GMDS: variants seen among roughly 807,000 people sequenced by gnomAD.
GMDS encodes GDP-mannose 4,6-dehydratase.
GMDS carries 20 observed loss-of-function variants against 49.9 expected under a neutral mutation model. The observed-to-expected ratio is 0.40, with a 90% CI of 0.28 to 0.58. The LOEUF (loss-of-function observed/expected upper bound fraction) is 0.58, where lower values mean the gene tolerates loss of function less well. GMDS is among the 20% of genes least tolerant of loss of function. The probability of loss-of-function intolerance (pLI) is 0.42; values close to 1 mark genes in which losing one functional copy is unlikely to be tolerated. For missense variants in GMDS, 362 were observed against 481.4 expected (o/e 0.75, Z 2.32); for synonymous variants, 177 against 178.6 (o/e 0.99, Z 0.07).
At chr6:1,714,590 G>A (rs996101474) in intron 9 of GMDS, among the ~76,000 whole-genome samples, 1 of 152,194 alleles carries the variant, frequency 6.6e-6, no homozygotes, top group Non-Finnish European at 1.5e-5. Flanking sequence ...CGTGTCATGG[G>A]GAAAGCCAGA....
At chr6:1,769,315 T>C (rs1477638792) in intron 7 of GMDS, among the ~76,000 whole-genome samples, 2 of 152,196 alleles carry the variant, frequency 1.3e-5, no homozygotes, top group Non-Finnish European at 2.9e-5. Context: ...GAATGTCCAA[T>C]ACTGGGGTAA....
At chr6:2,025,573 A>C (rs1158529769) in intron 4 of GMDS, among the ~76,000 whole-genome samples, 2 of 152,166 alleles carry the variant, frequency 1.3e-5, no homozygotes, top group Admixed American at 1.3e-4. Flanking sequence ...TCAAGCATTC[A>C]CTTAACATTA....
Position 1,913,345 on chromosome 6 carries a change from C to T in GMDS, c.771+16758G>A, listed in dbSNP as rs1284568367. Among the ~76,000 whole-genome samples, 3 of 141,112 alleles carry T rather than the reference C, an allele frequency of 2.1e-5. No individual in the cohort carries two copies. The Admixed American group carries it at 2.2e-4, about 10-fold the overall frequency. The allele number at this position is 141,112 out of a possible 152,430, so 92.6% of individuals were successfully genotyped here. ...GCAGTGAGCCGAGATCCTGCCACTG[C>T]ACTCCAGCCTGGGCGACAGAGCGAG... On this transcript the variant is annotated intron_variant, in intron 7 of 10. Transcript: ENST00000380815.
intron 7 of GMDS, among the ~76,000 whole-genome samples, chr6:1,846,916 C>T (rs1179434057): frequency 6.6e-6 from 1 of 152,176 alleles, no homozygotes; most frequent in Non-Finnish European, 1.5e-5. Flanking sequence ...AAAACAATGA[C>T]AAGTATGAAG....
intron 8 of GMDS, among the ~76,000 whole-genome samples, chr6:1,728,923 C>A (rs538750562): frequency 6.6e-6 from 1 of 151,324 alleles, no homozygotes; most frequent in South Asian, 2.1e-4. Flanking sequence ...GACTGTAAAA[C>A]CTGTCCTTAC....
intron 1 of GMDS, among the ~76,000 whole-genome samples, chr6:2,203,585 A>G (rs1037044139): frequency 2.0e-5 from 3 of 147,722 alleles, no homozygotes; most frequent in Admixed American, 6.6e-5. Flanking sequence ...TTTTTTTTTT[A>G]TGTGTCCAGA....
intron 7 of GMDS, among the ~76,000 whole-genome samples, chr6:1,857,714 T>G (rs1333965717): frequency 6.6e-6 from 1 of 152,224 alleles, no homozygotes; most frequent in African/African-American, 2.4e-5. Context: ...TGTTATTCAC[T>G]ATATTTTTAG....
At chr6:1,902,032 G>C (rs1237853933) in intron 7 of GMDS, among the ~76,000 whole-genome samples, 1 of 152,190 alleles carries the variant, frequency 6.6e-6, no homozygotes. Flanking sequence ...ACAACCTAAT[G>C]GATGCGAAAA....
At chr6:2,116,911 A>G (rs947691236) in intron 3 of GMDS, among the ~76,000 whole-genome samples, 1 of 152,188 alleles carries the variant, frequency 6.6e-6, no homozygotes, top group Non-Finnish European at 1.5e-5. Flanking sequence ...AGGAGTTACC[A>G]TAAGCTCAAA....
chr6:1,701,730 A>C (rs984935157), intron 9 of GMDS, among the ~76,000 whole-genome samples: 17 of 151,986 alleles, frequency 1.1e-4, no homozygotes, highest in African/African-American at 4.1e-4. Context: ...AATAATATAT[A>C]TTTATTATAA....
chr6:2,233,270 T>C (rs1170816500), intron 1 of GMDS, among the ~76,000 whole-genome samples: 2 of 152,186 alleles, frequency 1.3e-5, no homozygotes, highest in African/African-American at 2.4e-5. Context: ...AACATTTTCC[T>C]CCTCCTCACT....
At chr6:1,775,437 G>C (rs751204416) in intron 7 of GMDS, among the ~76,000 whole-genome samples, 3 of 152,098 alleles carry the variant, frequency 2.0e-5, no homozygotes, top group African/African-American at 7.2e-5. Flanking sequence ...TGATTCTTAC[G>C]ATAAAACACT....
intron 6 of GMDS, among the ~76,000 whole-genome samples, chr6:1,945,119 C>G (rs898977576): frequency 6.6e-6 from 1 of 152,096 alleles, no homozygotes; most frequent in Non-Finnish European, 1.5e-5. Flanking sequence ...GTGTGCCAGT[C>G]AGAAAACACT....
chr6:2,125,188 G>A (rs964349182), intron 1 of GMDS, among the ~76,000 whole-genome samples: 7 of 152,126 alleles, frequency 4.6e-5, no homozygotes, highest in African/African-American at 1.7e-4. Flanking sequence ...CTATAATCCT[G>A]GTACTTTGGG....
At chr6:1,816,254 T>G (rs563338602) in intron 7 of GMDS, among the ~76,000 whole-genome samples, 1 of 152,242 alleles carries the variant, frequency 6.6e-6, no homozygotes, top group East Asian at 1.9e-4. Flanking sequence ...TTATGGAAGA[T>G]CTGCCATGTG....
intron 1 of GMDS, among the ~76,000 whole-genome samples, chr6:2,216,757 T>C (rs1466980141): frequency 6.6e-6 from 1 of 152,182 alleles, no homozygotes; most frequent in Non-Finnish European, 1.5e-5. Context: ...ACTAGGATTC[T>C]TCATAGCCCT....
At chr6:2,135,035 A>G (rs1228041758) in intron 1 of GMDS, among the ~76,000 whole-genome samples, 1 of 152,202 alleles carries the variant, frequency 6.6e-6, no homozygotes, top group Non-Finnish European at 1.5e-5. Flanking sequence ...GTTCAAGGTC[A>G]TAGAGCTAGT....
intron 7 of GMDS, among the ~76,000 whole-genome samples, chr6:1,815,651 GT>G (rs1770630852): frequency 6.6e-6 from 1 of 152,148 alleles, no homozygotes; most frequent in South Asian, 2.1e-4. Flanking sequence ...AATCTATAAG[GT>G]TGTTCAAGTG....
chr6:1,655,723 T>C (rs532937207), intron 9 of GMDS, among the ~76,000 whole-genome samples: 1 of 152,310 alleles, frequency 6.6e-6, no homozygotes, highest in Admixed American at 6.5e-5. Context: ...CAGGTTGGTC[T>C]CAAACTTCTG....
Sources: allele counts gnomAD v4.1 joint callset (sites outside exome capture counted in the v4.1 genomes callset), GRCh38; gene constraint gnomAD v4.1.1; transcripts MANE v1.5; gene names NCBI Gene and HGNC (gene_info 2026-07-23, HGNC 2026-07-21).